The following ZBTB7C variants were observed in gnomAD, a reference collection of about 807,000 sequenced individuals.
The protein encoded by ZBTB7C is zinc finger and BTB domain containing 7C.
A neutral mutation model predicts 25.7 loss-of-function variants in ZBTB7C; 8 were observed. That is an observed-to-expected ratio of 0.31 (90% CI 0.18 to 0.56). The LOEUF is 0.56. Ranked by LOEUF, ZBTB7C falls within the 20% of genes least tolerant of loss-of-function variation. The probability of loss-of-function intolerance (pLI) is 0.91; values close to 1 mark genes in which losing one functional copy is unlikely to be tolerated. For synonymous variants in ZBTB7C, 394 were observed against 369.0 expected (o/e 1.07, Z -0.78); for missense variants, 824 against 855.2 (o/e 0.96, Z 0.46).
rs1042212076 is a variant in ZBTB7C at position 48,086,441 on chromosome 18, G to T, written c.-16-45318C>A. On this transcript the variant is annotated intron_variant, in intron 3 of 4. Transcript: ENST00000590800. ...ATTTCTACCTACTGCCCTGTAAAGC[G>T]GCACCCCATGTTCCATAATCTAGAT... Among the ~76,000 whole-genome samples the T allele has an allele frequency of 2.0e-5, 3 of 152,136 alleles. No homozygotes were observed. In the East Asian group the frequency reaches 5.8e-4, roughly 29 times the overall value.
intron 1 of ZBTB7C, among the ~76,000 whole-genome samples, chr18:48,340,144 T>C (rs983745114): frequency 1.3e-5 from 2 of 152,232 alleles, no homozygotes; most frequent in Non-Finnish European, 2.9e-5. Context: ...TCCTGGACAA[T>C]GGGATTCTCT....
chr18:48,297,244 A>G (rs933575930), intron 2 of ZBTB7C, among the ~76,000 whole-genome samples: 4 of 152,248 alleles, frequency 2.6e-5, no homozygotes, highest in Admixed American at 6.5e-5. Flanking sequence ...TAATTACAAA[A>G]TATTTCAAAA....
chr18:48,105,443 G>A (rs189269244), intron 3 of ZBTB7C, among the ~76,000 whole-genome samples: 8 of 152,286 alleles, frequency 5.3e-5, no homozygotes, highest in East Asian at 1.9e-4. Flanking sequence ...ATATGGGATC[G>A]TACCAGGCCT....
Position 48,307,370 on chromosome 18 carries a change from GT to G in ZBTB7C, c.-79+30803del, listed in dbSNP as rs1271383239. 6.7e-4 allele frequency among the ~76,000 whole-genome samples: 102 copies of G among 152,344 alleles called. 1 individual carries two copies. The highest frequency in any genetic ancestry group is 1.5e-4 in the Non-Finnish European group (10 of 68,038). On this transcript the variant is annotated intron_variant, in intron 2 of 4. Transcript: ENST00000590800. ...AAAACTTTGTCTACAAAGATGGCAG[GT>G]TGGAATCACAGAACTTCCTTTCCTA...
At chr18:48,102,423 A>G (rs1290954383) in intron 3 of ZBTB7C, among the ~76,000 whole-genome samples, 2 of 152,040 alleles carry the variant, frequency 1.3e-5, no homozygotes, top group East Asian at 3.9e-4. Flanking sequence ...AAAATAGCCT[A>G]GTATGGTAGT....
intron 2 of ZBTB7C, among the ~76,000 whole-genome samples, chr18:48,313,025 T>G (rs572002887): frequency 2.0e-5 from 3 of 152,252 alleles, no homozygotes; most frequent in Non-Finnish European, 4.4e-5. Flanking sequence ...CATGCCTGAT[T>G]ATGGACCCAA....
intron 3 of ZBTB7C, among the ~76,000 whole-genome samples, chr18:48,121,072 A>C (rs2039612538): frequency 6.6e-6 from 1 of 151,822 alleles, no homozygotes; most frequent in South Asian, 2.1e-4. Context: ...TCTCACACCT[A>C]CTCCTGCGCT....
chr18:48,292,905 T>C (rs2045275120), intron 2 of ZBTB7C, among the ~76,000 whole-genome samples: 1 of 152,172 alleles, frequency 6.6e-6, no homozygotes, highest in Admixed American at 6.5e-5. Flanking sequence ...CTGCTATTCA[T>C]TGAGCCCTCA....
At chr18:48,353,039 C>T (rs1004707670) in intron 1 of ZBTB7C, among the ~76,000 whole-genome samples, 1 of 152,174 alleles carries the variant, frequency 6.6e-6, no homozygotes, top group African/African-American at 2.4e-5. Flanking sequence ...CTCTAGAAGC[C>T]TAAAAGCAAT....
chr18:48,352,176 C>T (rs2046878998), intron 1 of ZBTB7C, among the ~76,000 whole-genome samples: 1 of 152,230 alleles, frequency 6.6e-6, no homozygotes, highest in Non-Finnish European at 1.5e-5. Context: ...TGTCACCTGG[C>T]ATGGCAGCCA....
chr18:48,357,473 G>A (rs538290226), intron 1 of ZBTB7C, among the ~76,000 whole-genome samples: 7 of 152,324 alleles, frequency 4.6e-5, no homozygotes, highest in South Asian at 4.1e-4. Flanking sequence ...GAAGAGCTCC[G>A]AGGAGTAAAC....
chr18:48,170,614 G>A (rs1210105398), intron 3 of ZBTB7C, among the ~76,000 whole-genome samples: 1 of 152,144 alleles, frequency 6.6e-6, no homozygotes, highest in Non-Finnish European at 1.5e-5. Context: ...CCTCCCACTG[G>A]TCCTCAGACC....
intron 1 of ZBTB7C, among the ~76,000 whole-genome samples, chr18:48,401,970 G>C (rs1399885806): frequency 4.6e-5 from 7 of 152,050 alleles, no homozygotes; most frequent in Non-Finnish European, 4.4e-5. Flanking sequence ...CACCCTTCAA[G>C]CCACCAAGGC....
intron 2 of ZBTB7C, among the ~76,000 whole-genome samples, chr18:48,315,232 T>G (rs1300528485): frequency 1.3e-5 from 2 of 152,192 alleles, no homozygotes. Flanking sequence ...CAGCAACAGC[T>G]GGAGTTTGCT....
chr18:48,243,029 C>T (rs531965192), intron 2 of ZBTB7C, among the ~76,000 whole-genome samples: 15 of 151,844 alleles, frequency 9.9e-5, no homozygotes, highest in South Asian at 2.1e-4. Flanking sequence ...TTTGGGAGGC[C>T]GAGGCAGGTG....
intron 3 of ZBTB7C, among the ~76,000 whole-genome samples, chr18:48,093,135 A>C (rs2038481329): frequency 6.6e-6 from 1 of 152,242 alleles, no homozygotes; most frequent in Non-Finnish European, 1.5e-5. Context: ...CTGTATTAAC[A>C]GAGCACTGAC....
chr18:48,123,285 T>A (rs1008482231), intron 3 of ZBTB7C, among the ~76,000 whole-genome samples: 1 of 152,226 alleles, frequency 6.6e-6, no homozygotes, highest in Admixed American at 6.5e-5. Flanking sequence ...ACATCCAGGC[T>A]GCAGAGGGCA....
chr18:48,234,499 T>C (rs1253430411), intron 2 of ZBTB7C, among the ~76,000 whole-genome samples: 1 of 152,198 alleles, frequency 6.6e-6, no homozygotes, highest in Non-Finnish European at 1.5e-5. Flanking sequence ...CCTATATAAG[T>C]ACATGTGTAC....
At chr18:48,329,219 C>G (rs1336440427) in intron 2 of ZBTB7C, among the ~76,000 whole-genome samples, 1 of 152,222 alleles carries the variant, frequency 6.6e-6, no homozygotes, top group Non-Finnish European at 1.5e-5. Context: ...TATTAAACCT[C>G]TTATTCCACT....
Sources: gnomAD v4.1 joint callset for allele counts (sites outside exome capture counted in the v4.1 genomes callset) on GRCh38, gnomAD v4.1.1 for gene constraint, MANE v1.5 for transcripts, NCBI Gene and HGNC (gene_info 2026-07-23, HGNC 2026-07-21) for gene names.